PRKCB: variants seen among roughly 807,000 people sequenced by gnomAD.
PRKCB encodes protein kinase C beta type.
PRKCB carries 13 observed loss-of-function variants against 81.5 expected under a neutral mutation model. The ratio of observed to expected loss-of-function variants is 0.16; its 90% confidence interval spans 0.10 to 0.25. The LOEUF (loss-of-function observed/expected upper bound fraction) is 0.25, where lower values mean the gene tolerates loss of function less well. Among genes scored for constraint, PRKCB ranks in the 10% least tolerant of loss-of-function variants. PRKCB has a pLI of 1.00. For synonymous variants in PRKCB, 335 were observed against 321.4 expected, an observed-to-expected ratio of 1.04 and a Z score of -0.45; for missense variants, 509 against 875.7, an observed-to-expected ratio of 0.58 and a Z score of 5.29.
At chr16:24,193,465 AAATAAAT>A (rs1458011140) in intron 16 of PRKCB, among the ~76,000 whole-genome samples, 26 of 68,400 alleles carry the variant, frequency 3.8e-4, no homozygotes, top group Admixed American at 1.6e-3. Flanking sequence ...ATAAATAAAT[AAATAAAT>A]AAATAAATAA....
intron 5 of PRKCB, among the ~76,000 whole-genome samples, chr16:24,075,639 T>C (rs1302972595): frequency 6.6e-6 from 1 of 152,248 alleles, no homozygotes; most frequent in Non-Finnish European, 1.5e-5. Context: ...ATGATTCTAA[T>C]GTCAGAAATC....
rs1277799138 is a variant in PRKCB, at chr16:23,956,362, C to T, written c.206-32146C>T. ...CTAGTAACTTTTTCCCTTATTAATA[C>T]CTTATTTAGATCCACCTTATGTTTT... On this transcript the variant is annotated intron_variant, in intron 2 of 16. Transcript: ENST00000643927. Among the ~76,000 whole-genome samples the T allele has an allele frequency of 5.9e-5, 9 of 151,992 alleles. 1 individual carries two copies.
intron 3 of PRKCB, among the ~76,000 whole-genome samples, chr16:24,013,449 CTG>C (rs1384557578): frequency 1.3e-5 from 2 of 152,164 alleles, no homozygotes; most frequent in Non-Finnish European, 2.9e-5. Flanking sequence ...CTTAACTTCT[CTG>C]TGTCTCAGTT....
At chr16:24,173,848 G>A (rs1231452811) in intron 11 of PRKCB, among the ~76,000 whole-genome samples, 1 of 152,174 alleles carries the variant, frequency 6.6e-6, no homozygotes, top group Non-Finnish European at 1.5e-5. Flanking sequence ...CTCATTTGAG[G>A]AATGGGGAGA....
intron 3 of PRKCB, among the ~76,000 whole-genome samples, chr16:24,024,758 T>C (rs1392401277): frequency 6.6e-6 from 1 of 152,178 alleles, no homozygotes. Flanking sequence ...GTTCAGGGAA[T>C]GTGGATGTCT....
At chr16:24,208,921 G>A (rs1019523362) in intron 16 of PRKCB, among the ~76,000 whole-genome samples, 6 of 152,120 alleles carry the variant, frequency 3.9e-5, no homozygotes, top group East Asian at 3.9e-4. Flanking sequence ...CCTCTGTATC[G>A]CACCCCCTTG....
In PRKCB at chr16:23,836,268, G is replaced by C; in HGVS notation, c.93G>C (p.Val31=). ...ARKGALRQKN[V]HEVKNHKFTA... ...AAGGCGCCCTCCGGCAGAAGAACGTGCATGAGGTCAAGAACCACAAATTCA... is the reference window on the plus strand; with the variant it reads ...AAGGCGCCCTCCGGCAGAAGAACGTCCATGAGGTCAAGAACCACAAATTCA... The change falls in exon 1 of 17, where the codon GTG becomes GTC. Residue 31 remains valine (V), a synonymous_variant. Transcript: ENST00000643927. 3 of 1,604,544 alleles carry C rather than the reference G, an allele frequency of 1.9e-6. No individual in the cohort carries two copies. Among genetic ancestry groups the C allele is most frequent in the Non-Finnish European group, 2.6e-6 (3 of 1,175,850 alleles).
At chr16:23,893,529 A>T (rs1963326384) in intron 2 of PRKCB, 2 of 152,242 alleles carry the variant, frequency 1.3e-5, no homozygotes, top group African/African-American at 4.8e-5. Flanking sequence ...GTAAGTTCTG[A>T]CTTACGATCA....
At chr16:23,913,379 G>A (rs1963691193) in intron 2 of PRKCB, among the ~76,000 whole-genome samples, 1 of 152,118 alleles carries the variant, frequency 6.6e-6, no homozygotes, top group African/African-American at 2.4e-5. Context: ...AGTCAAGGAG[G>A]GGATCATAGA....
chr16:24,080,352 G>A (rs1167340596), intron 5 of PRKCB, among the ~76,000 whole-genome samples: 1 of 152,136 alleles, frequency 6.6e-6, no homozygotes, highest in African/African-American at 2.4e-5. Flanking sequence ...TAGGGACTCA[G>A]GTACACAAAA....
At chr16:24,112,867 A>C in intron 7 of PRKCB, 106 bp from the exon 8 acceptor site, 1 of 786,694 alleles carries the variant, frequency 1.3e-6, no homozygotes, top group Non-Finnish European at 2.0e-6. Flanking sequence ...CTCAACGTAT[A>C]TTTTTTCAAG....
intron 9 of PRKCB, among the ~76,000 whole-genome samples, chr16:24,141,614 A>C (rs1966903143): frequency 6.6e-6 from 1 of 152,214 alleles, no homozygotes; most frequent in Non-Finnish European, 1.5e-5. Flanking sequence ...GGCTTTGGCA[A>C]ATCCGCATGC....
At chr16:24,037,701 C>T (rs1277302786) in intron 5 of PRKCB, among the ~76,000 whole-genome samples, 5 of 151,948 alleles carry the variant, frequency 3.3e-5, no homozygotes, top group Non-Finnish European at 7.4e-5. Context: ...TCTTCAAGTT[C>T]AAGGTCAAAG....
intron 2 of PRKCB, among the ~76,000 whole-genome samples, chr16:23,929,009 G>A (rs987276093): frequency 1.3e-5 from 2 of 152,200 alleles, no homozygotes; most frequent in Admixed American, 6.5e-5. Flanking sequence ...GAGCCACTGC[G>A]CCAGGCCTGT....
intron 9 of PRKCB, among the ~76,000 whole-genome samples, chr16:24,132,880 A>C (rs1175965074): frequency 1.3e-5 from 2 of 151,228 alleles, no homozygotes; most frequent in Non-Finnish European, 2.9e-5. Flanking sequence ...TCCTTGGCTC[A>C]AGTGATCTGC....
intron 2 of PRKCB, among the ~76,000 whole-genome samples, chr16:23,882,006 CTTTCTTTCTTTCTTT>C (rs1567301024): frequency 1.1e-4 from 11 of 101,506 alleles, no homozygotes; most frequent in African/African-American, 3.8e-4. Context: ...TTCTTTCTTT[CTTTCTTTCTTTCTTT>C]CTTCCTTCCT....
chr16:24,113,202 CTCT>C (rs756306830), intron 8 of PRKCB, 133 bp downstream of exon 8: 8 of 606,048 alleles, frequency 1.3e-5, no homozygotes, highest in Non-Finnish European at 1.6e-5. Context: ...TTCTTCCTCT[CTCT>C]TTTCTTTCCT....
rs945607031 is a variant in PRKCB, at chr16:24,180,673, C to T, written c.1395-117C>T. Reference sequence around the variant, plus strand: ...GTTGGAGGTCAAAGGCTGGTTTCTACTGACCTTTGTGCCCACACAACACCT... The same window carrying T: ...GTTGGAGGTCAAAGGCTGGTTTCTATTGACCTTTGTGCCCACACAACACCT... On this transcript the variant is annotated intron_variant, in intron 12 of 16. Coordinates refer to ENST00000643927, the MANE Select transcript of PRKCB (RefSeq NM_002738.7). 1.3e-5 allele frequency: 16 copies of T among 1,269,580 alleles called. No homozygotes were observed. In the Admixed American group the frequency reaches 3.3e-4, roughly 26 times the overall value. The allele number at this position is 1,269,580 out of a possible 1,614,324, so 78.6% of individuals were successfully genotyped here.
intron 2 of PRKCB, among the ~76,000 whole-genome samples, chr16:23,964,274 G>T (rs1333502730): frequency 6.6e-6 from 1 of 152,200 alleles, no homozygotes; most frequent in Non-Finnish European, 1.5e-5. Context: ...GATAGAACAG[G>T]ATTCAGTCCG....
Sources: gnomAD v4.1 joint callset for allele counts (sites outside exome capture counted in the v4.1 genomes callset) on GRCh38, gnomAD v4.1.1 for gene constraint, MANE v1.5 for transcripts, NCBI Gene and HGNC (gene_info 2026-07-23, HGNC 2026-07-21) for gene names.